The following ZMYM4 variants were observed in gnomAD, a reference collection of about 807,000 sequenced individuals.
ZMYM4 encodes zinc finger MYM-type containing 4, also known as zinc finger MYM-type protein 4.
A neutral mutation model predicts 183.2 loss-of-function variants in ZMYM4; 31 were observed. The observed-to-expected ratio is 0.17, with a 90% confidence interval of 0.13 to 0.23. The LOEUF (loss-of-function observed/expected upper bound fraction) is 0.23. ZMYM4 is among the 10% of genes least tolerant of loss of function. The probability of loss-of-function intolerance (pLI) is 1.00; values close to 1 mark genes in which losing one functional copy is unlikely to be tolerated. For missense variants in ZMYM4, 1,273 were observed against 1,840.3 expected, an observed-to-expected ratio of 0.69 and a Z score of 5.64; for synonymous variants, 592 against 631.2, an observed-to-expected ratio of 0.94 and a Z score of 0.93.
chr1:35,402,623 A>C (rs1003853904), intron 23 of ZMYM4, among the ~76,000 whole-genome samples: 2 of 152,156 alleles, frequency 1.3e-5, no homozygotes, highest in Admixed American at 6.6e-5. Context: ...TGTCTCAAAA[A>C]AAAAGAAAAA....
intron 1 of ZMYM4, among the ~76,000 whole-genome samples, chr1:35,271,729 C>T (rs955640386): frequency 6.6e-6 from 1 of 152,160 alleles, no homozygotes; most frequent in African/African-American, 2.4e-5. Flanking sequence ...TTTTAACAAC[C>T]TATAACATAC....
intron 1 of ZMYM4, among the ~76,000 whole-genome samples, chr1:35,303,474 C>T (rs1051160449): frequency 6.6e-6 from 1 of 151,938 alleles, no homozygotes; most frequent in Admixed American, 6.6e-5. Context: ...GGCACAATAT[C>T]GGCTCACTGC....
At position 35,337,428 on chromosome 1, in the gene ZMYM4, A is replaced by G. The variant is rs369652019; in HGVS notation, c.85+12023A>G. Among the ~76,000 whole-genome samples, 5 of 152,216 alleles carry G rather than the reference A, an allele frequency of 3.3e-5. No individual in the cohort carries two copies. The East Asian group carries it at 7.7e-4, about 24-fold the overall frequency. On this transcript the variant is annotated intron_variant, in intron 2 of 29. Coordinates refer to ENST00000314607, the MANE Select transcript of ZMYM4 (RefSeq NM_005095.3). ...ATTTCTTGATGTTTCCAGTTTTTCTATTGCAAATTTATCCTTTATGATTAT... is the reference window on the plus strand; with the variant it reads ...ATTTCTTGATGTTTCCAGTTTTTCTGTTGCAAATTTATCCTTTATGATTAT...
intron 2 of ZMYM4, among the ~76,000 whole-genome samples, chr1:35,340,662 G>A (rs1643167645): frequency 6.6e-6 from 1 of 152,026 alleles, no homozygotes; most frequent in African/African-American, 2.4e-5. Context: ...GCTCTCCTAT[G>A]AGAATTTAAT....
intron 5 of ZMYM4, among the ~76,000 whole-genome samples, chr1:35,366,820 C>T (rs536119671): frequency 6.2e-4 from 94 of 152,190 alleles, no homozygotes; most frequent in African/African-American, 2.2e-3. Context: ...TCAAGACCAG[C>T]CTGGCCAACA....
chr1:35,290,642 C>T (rs1640717978), intron 1 of ZMYM4, among the ~76,000 whole-genome samples: 1 of 151,888 alleles, frequency 6.6e-6, no homozygotes, highest in Non-Finnish European at 1.5e-5. Flanking sequence ...GTTGCCCAGG[C>T]TGGTCTTGAA....
chr1:35,405,902 G>A (rs577236611), intron 25 of ZMYM4, among the ~76,000 whole-genome samples: 71 of 152,164 alleles, frequency 4.7e-4, no homozygotes, highest in East Asian at 1.5e-3. Context: ...TATTACATGA[G>A]CATTTCAAAT....
In ZMYM4 at chr1:35,392,227, T is replaced by C. The variant is rs752993339; in HGVS notation, c.2603T>C (p.Val868Ala). ...TTTTAATCAGCAAATATTTCCATGG[T>C]TCAAGCTGCTTCAGCAGGACCCCCA... is the stretch of plus-strand genomic sequence containing the variant. ...SQNNAANISM[V>A]QAASAGPPSL... The change falls in exon 16 of 30, where the codon GTT (valine) becomes GCT (alanine). Residue 868 changes from valine (V) to alanine (A), a missense_variant. Transcript: ENST00000314607. 6.2e-7 allele frequency: 1 copy of C among 1,614,202 alleles called. No homozygotes were observed.
Position 35,299,939 on chromosome 1 carries a change from C to T in ZMYM4, c.40-25421C>T, listed in dbSNP as rs527714035. ...CCTACAGAGTAGCTGGGACTACAGGCGCCTGCCACCACGCCTGGCTATTTT... is the reference window on the plus strand; with the variant it reads ...CCTACAGAGTAGCTGGGACTACAGGTGCCTGCCACCACGCCTGGCTATTTT... On this transcript the variant is annotated intron_variant, in intron 1 of 29. Coordinates refer to ENST00000314607, the MANE Select transcript of ZMYM4 (RefSeq NM_005095.3). Among the ~76,000 whole-genome samples, 161 of 151,956 alleles carry T rather than the reference C, an allele frequency of 1.1e-3. 1 individual carries two copies. The highest frequency in any genetic ancestry group is 3.8e-3 in the African/African-American group (157 of 41,368).
Position 35,278,735 on chromosome 1 carries a change from T to G in ZMYM4, c.39+9650T>G, listed in dbSNP as rs622050. Among the ~76,000 whole-genome samples, 597 of 152,266 alleles carry G rather than the reference T, an allele frequency of 3.9e-3. 3 individuals carry two copies. The highest frequency in any genetic ancestry group is 0.013 in the African/African-American group (533 of 41,566). On this transcript the variant is annotated intron_variant, in intron 1 of 29. Coordinates refer to ENST00000314607, the MANE Select transcript of ZMYM4 (RefSeq NM_005095.3). ...CATGCCCAGCTACAGCATGAACTCTTAAGTCCAAAATCTCCAAATATTATA... is the reference window on the plus strand; with the variant it reads ...CATGCCCAGCTACAGCATGAACTCTGAAGTCCAAAATCTCCAAATATTATA...
chr1:35,289,286 G>A (rs1021249893), intron 1 of ZMYM4, among the ~76,000 whole-genome samples: 1 of 152,192 alleles, frequency 6.6e-6, no homozygotes, highest in Non-Finnish European at 1.5e-5. Context: ...GGTCAGTTAG[G>A]AAGCTATTGG....
At chr1:35,343,101 T>A (rs1414172100) in intron 2 of ZMYM4, among the ~76,000 whole-genome samples, 1 of 152,188 alleles carries the variant, frequency 6.6e-6, no homozygotes, top group African/African-American at 2.4e-5. Context: ...TCTCTCCGTA[T>A]CCATCCATCC....
chr1:35,335,623 A>G (rs1252108708), intron 2 of ZMYM4, among the ~76,000 whole-genome samples: 1 of 152,190 alleles, frequency 6.6e-6, no homozygotes, highest in Non-Finnish European at 1.5e-5. Context: ...ATAATTCATT[A>G]TATAAATATA....
rs376025575 is a variant in ZMYM4, at chr1:35,352,259, ACGCGCG to A, written c.86-6660_86-6655del. On this transcript the variant is annotated intron_variant, in intron 2 of 29. Transcript: ENST00000314607. The stretch of plus-strand genomic sequence containing the variant: ...ACTAATAATTTAAAAATTAGCGCGC[ACGCGCG>A]CGCGCACACACACACACACACACAC... 1.3e-3 allele frequency among the ~76,000 whole-genome samples: 99 copies of A among 77,606 alleles called. 1 individual carries two copies. The highest frequency in any genetic ancestry group is 4.6e-3 in the African/African-American group (66 of 14,232). The allele number at this position is 77,606 out of a possible 152,430, so 50.9% of individuals were successfully genotyped here. A position where few individuals can be genotyped will look rare whatever the true frequency, so the allele number is the denominator to read the frequency against.
At chr1:35,396,734 GT>G in intron 19 of ZMYM4, 64 bp downstream of exon 19, 1 of 1,514,040 alleles carries the variant, frequency 6.6e-7, no homozygotes. Flanking sequence ...AAACTGTATA[GT>G]TCTGTGAAGA....
rs148841905 is a variant in ZMYM4, at chr1:35,409,895, G to A, written c.3948+1736G>A. 7.7e-3 allele frequency among the ~76,000 whole-genome samples: 1,156 copies of A among 151,086 alleles called. 16 individuals carry two copies. The highest frequency in any genetic ancestry group is 0.026 in the African/African-American group (1,059 of 41,094). ...GCAGAGTTTGCAGTGAGCCAAGATC[G>A]CGCCCCTGCACTTCAGCCTGGGTGA... On this transcript the variant is annotated intron_variant, in intron 26 of 29. Transcript: ENST00000314607.
intron 2 of ZMYM4, among the ~76,000 whole-genome samples, chr1:35,328,453 AATT>A (rs1451961485): frequency 1.5e-5 from 2 of 131,972 alleles, no homozygotes; most frequent in East Asian, 4.9e-4. Flanking sequence ...CTAATTTTTT[AATT>A]TTTTTTTTTT....
intron 2 of ZMYM4, among the ~76,000 whole-genome samples, chr1:35,351,850 G>A (rs1037269025): frequency 6.6e-6 from 1 of 152,088 alleles, no homozygotes; most frequent in Admixed American, 6.6e-5. Flanking sequence ...TGACTAAGAG[G>A]GACAAAGAAT....
chr1:35,328,454 ATTTTTTT>A (rs754078160), intron 2 of ZMYM4, among the ~76,000 whole-genome samples: 2,726 of 117,090 alleles, frequency 0.023, 45 homozygotes, highest in African/African-American at 0.048. Context: ...TAATTTTTTA[ATTTTTTT>A]TTTTTTTTTT....
Sources: allele counts gnomAD v4.1 joint callset (sites outside exome capture counted in the v4.1 genomes callset), GRCh38; gene constraint gnomAD v4.1.1; transcripts MANE v1.5; gene names NCBI Gene and HGNC (gene_info 2026-07-23, HGNC 2026-07-21).